Variants in LOXL3 observed in about 807,000 individuals in gnomAD.
The protein encoded by LOXL3 is lysyl oxidase like 3, also known as lysyl oxidase homolog 3.
A neutral mutation model predicts 91.8 loss-of-function variants in LOXL3; 60 were observed. The ratio of observed to expected loss-of-function variants is 0.65; its 90% CI spans 0.53 to 0.81. The LOEUF is 0.81. Among genes scored for constraint, LOXL3 ranks in the 30% least tolerant of loss-of-function variants. The pLI is 0.00. For synonymous variants in LOXL3, 355 were observed against 387.6 expected (o/e 0.92, Z 0.99); for missense variants, 874 against 1,000.4 (o/e 0.87, Z 1.70).
rs752333896 is a variant in LOXL3, at chr2:74,534,524, C to G, written c.1823+7G>C. 3 of 1,614,152 alleles carry G rather than the reference C, an allele frequency of 1.9e-6. No homozygotes were observed. The highest frequency in any genetic ancestry group is 2.5e-6 in the Non-Finnish European group (3 of 1,179,984). The stretch of plus-strand genomic sequence containing the variant: ...TTGCCCTTCTACTTGACTCCCTACC[C>G]TCTCACCCATGGCACTCGTGCCACA... On this transcript the variant is annotated splice_region_variant and intron_variant, in intron 10 of 13. Coordinates refer to ENST00000264094, the MANE Select transcript of LOXL3 (RefSeq NM_032603.5).
intron 2 of LOXL3, among the ~76,000 whole-genome samples, chr2:74,550,913 T>A (rs1667300388): frequency 1.3e-5 from 2 of 151,936 alleles, no homozygotes; most frequent in Non-Finnish European, 1.5e-5. Flanking sequence ...AGCCCCTTGT[T>A]CTTCTCTCTG....
intron 1 of LOXL3, among the ~76,000 whole-genome samples, chr2:74,553,416 C>A (rs976395711): frequency 1.3e-5 from 2 of 152,188 alleles, no homozygotes; most frequent in African/African-American, 4.8e-5. Flanking sequence ...CAAGGCTGGG[C>A]GGGGGATGGG....
upstream of LOXL3, chr2:74,555,405 G>C (rs748723675): frequency 2.0e-5 from 33 of 1,611,130 alleles, 1 homozygote; most frequent in South Asian, 3.4e-4. This position sits in a 1 kb window ranked among gnomAD's most constrained non-coding sequence, Gnocchi z 6.1. Flanking sequence ...CGGCCGACGC[G>C]CCGTCCAGTG....
At chr2:74,537,049 CTCT>C (rs1179363190) in intron 4 of LOXL3, 121 bp from the exon 5 acceptor site, 9 of 749,392 alleles carry the variant, frequency 1.2e-5, no homozygotes, top group Non-Finnish European at 1.6e-5. Context: ...CATTTATCTC[CTCT>C]TCTTCCCCCT....
At chr2:74,550,082 T>G in intron 3 of LOXL3, 103 bp downstream of exon 3, 1 of 1,485,750 alleles carries the variant, frequency 6.7e-7, no homozygotes, top group Non-Finnish European at 8.9e-7. Flanking sequence ...CCAATCCAAA[T>G]GATCCCCCAG....
In LOXL3 at chr2:74,535,738, G is replaced by GC. The variant is rs751234779; in HGVS notation, c.1265dup (p.Arg423ProfsTer5). ...CGACTCGCCCCTCATGTTGGCTGCGGCCCCCACTGAGTCGGATCTGTAGTG... is the reference window on the plus strand; with the variant it reads ...CGACTCGCCCCTCATGTTGGCTGCGGCCCCCCACTGAGTCGGATCTGTAGTG... On this transcript the variant is annotated frameshift_variant, in exon 8 of 14. Transcript: ENST00000264094. LOFTEE classifies it high-confidence loss of function. The surrounding 1 kb of genome is among the most constrained non-coding windows in gnomAD (Gnocchi z 4.2). The GC allele has an allele frequency of 6.3e-7, 1 of 1,579,934 alleles. No homozygotes were observed. Among genetic ancestry groups the GC allele is most frequent in the African/African-American group, 1.4e-5 (1 of 73,084 alleles).
At position 74,536,606 on chromosome 2, in the gene LOXL3, C is replaced by T; in HGVS notation, c.912+103G>A. ...GGTCTGTGGCCCACCCCCTGGAAGG[C>T]TCCTCTCTGTCCTCAAAGGTCAGGG... On this transcript the variant is annotated intron_variant, in intron 5 of 13. Coordinates refer to ENST00000264094, the MANE Select transcript of LOXL3 (RefSeq NM_032603.5). This position sits in a 1 kb window ranked among gnomAD's most constrained non-coding sequence, Gnocchi z 4.5. 4 of 1,467,402 alleles carry T rather than the reference C, an allele frequency of 2.7e-6. No individual in the cohort carries two copies. The highest frequency in any genetic ancestry group is 3.7e-6 in the Non-Finnish European group (4 of 1,067,334). 90.9% of individuals were successfully genotyped at this position (1,467,402 alleles called of 1,614,324 possible).
chr2:74,533,860 G>T (rs757383795), intron 13 of LOXL3, 22 bp downstream of exon 13: 1 of 1,579,178 alleles, frequency 6.3e-7, no homozygotes, highest in Admixed American at 1.7e-5. Context: ...AATCTTCCTG[G>T]GTTGCTCTTC....
In LOXL3 at chr2:74,535,225, C is replaced by G. The variant is rs112399709; in HGVS notation, c.1579+67G>C. 3.1e-5 allele frequency: 47 copies of G among 1,535,890 alleles called. 1 individual carries two copies. In the African/African-American group the frequency reaches 5.1e-4, roughly 17 times the overall value. On this transcript the variant is annotated intron_variant, in intron 9 of 13. Coordinates refer to ENST00000264094, the MANE Select transcript of LOXL3 (RefSeq NM_032603.5). The surrounding 1 kb of genome is among the most constrained non-coding windows in gnomAD (Gnocchi z 4.2). ...AAGTGCCCCTCCAGATTACAGCCCC[C>G]TTTCCCTGCAAACGGGTGGCCCAGA...
At chr2:74,540,124 G>A (rs1291439933) in intron 4 of LOXL3, among the ~76,000 whole-genome samples, 1 of 152,196 alleles carries the variant, frequency 6.6e-6, no homozygotes, top group Non-Finnish European at 1.5e-5. Flanking sequence ...TGGGATTACA[G>A]GCGTGAGCCA....
chr2:74,532,689 G>A lies in LOXL3; in HGVS notation c.*917C>T. On this transcript the variant is annotated 3_prime_UTR_variant, in exon 14 of 14. Transcript: ENST00000264094. ...TCAGCATGGTGTACTCATCCATAAA[G>A]TCATCCTGGGCTCCCCTGCACACCG... 1 of 1,613,904 alleles carries A rather than the reference G, an allele frequency of 6.2e-7. No homozygotes were observed. Among genetic ancestry groups the A allele is most frequent in the Non-Finnish European group, 8.5e-7 (1 of 1,180,020 alleles).
chr2:74,536,893 A>G lies in LOXL3; in HGVS notation c.728T>C (p.Leu243Pro). Residue 243 changes from leucine to proline, a missense_variant, in exon 5 of 14, where the codon CTG becomes CCG. By Grantham distance (98) the Leu-to-Pro change is moderately conservative. Transcript: ENST00000264094. The surrounding 1 kb of genome is among the most constrained non-coding windows in gnomAD (Gnocchi z 4.5). ...CGTGCCCACGCACGCCACCCCATGCAGACCAAAGGAGTGTTGCTGCCGTTG... is the reference window on the plus strand; with the variant it reads ...CGTGCCCACGCACGCCACCCCATGCGGACCAAAGGAGTGTTGCTGCCGTTG... ...LAQRQQHSFG[L>P]HGVACVGTEA... The G allele has an allele frequency of 6.2e-7, 1 of 1,614,186 alleles. No homozygotes were observed. Among genetic ancestry groups the G allele is most frequent in the Non-Finnish European group, 8.5e-7 (1 of 1,180,028 alleles).
At chr2:74,538,768 A>G (rs1357759268) in intron 4 of LOXL3, among the ~76,000 whole-genome samples, 3 of 152,220 alleles carry the variant, frequency 2.0e-5, no homozygotes, top group Non-Finnish European at 4.4e-5. Context: ...CCTTTAGGCA[A>G]ATGTAACCTC....
chr2:74,535,819 CAG>C lies in LOXL3; in HGVS notation c.1249-66_1249-65del. The C allele has an allele frequency of 6.6e-7, 1 of 1,512,462 alleles. No individual in the cohort carries two copies. The highest frequency in any genetic ancestry group is 8.8e-7 in the Non-Finnish European group (1 of 1,133,984). The allele number at this position is 1,512,462 out of a possible 1,614,324, so 93.7% of individuals were successfully genotyped here. On this transcript the variant is annotated intron_variant, in intron 7 of 13. Transcript: ENST00000264094. This position sits in a 1 kb window ranked among gnomAD's most constrained non-coding sequence, Gnocchi z 4.2. Reference sequence around the variant, plus strand: ...GGGGTGAGGTAGTGGGAGTCTCTAACAGATGTGGCTGAAGCGTGACTCAGGCA... The same window carrying C: ...GGGGTGAGGTAGTGGGAGTCTCTAACATGTGGCTGAAGCGTGACTCAGGCA...
rs980269566 is a variant in LOXL3, at chr2:74,549,262, C to G, written c.692+107G>C. Reference sequence around the variant, plus strand: ...CTCCATATTTTCCCGCGCGTCCCGACCCCCGGGTCCTCCCGTGCCCCGGAC... The same window carrying G: ...CTCCATATTTTCCCGCGCGTCCCGAGCCCCGGGTCCTCCCGTGCCCCGGAC... On this transcript the variant is annotated intron_variant, in intron 4 of 13. Coordinates refer to ENST00000264094, the MANE Select transcript of LOXL3 (RefSeq NM_032603.5). This position sits in a 1 kb window ranked among gnomAD's most constrained non-coding sequence, Gnocchi z 5.3. 22 of 1,288,388 alleles carry G rather than the reference C, an allele frequency of 1.7e-5. No individual in the cohort carries two copies. In the East Asian group the frequency reaches 5.3e-4, roughly 31 times the overall value. 79.8% of individuals were successfully genotyped at this position (1,288,388 alleles called of 1,614,324 possible). A position where few individuals can be genotyped will look rare whatever the true frequency, so the allele number is the denominator to read the frequency against.
Position 74,549,492 on chromosome 2 carries a change from T to C in LOXL3, c.569A>G (p.Glu190Gly). The C allele has an allele frequency of 6.2e-7, 1 of 1,613,554 alleles. No individual in the cohort carries two copies. The highest frequency in any genetic ancestry group is 8.5e-7 in the Non-Finnish European group (1 of 1,179,874). The part of the protein sequence containing the change: ...RPLPVTEGLV[E>G]VRLPDGWSQV... ...CGACCAGCCGTCAGGAAGCCTGACT[T>C]CCACCAGCCCCTCCGTCACGGGCAG... is the stretch of plus-strand genomic sequence containing the variant. The change falls in exon 4 of 14, where the codon GAA (glutamate) becomes GGA (glycine). Residue 190 changes from glutamate (E) to glycine (G), a missense_variant. By Grantham distance (98) the Glu-to-Gly change is moderately conservative. Coordinates refer to ENST00000264094, the MANE Select transcript of LOXL3 (RefSeq NM_032603.5). This position sits in a 1 kb window ranked among gnomAD's most constrained non-coding sequence, Gnocchi z 5.3.
Position 74,533,256 on chromosome 2 carries a change from A to C in LOXL3, c.*350T>G. 1 of 542,558 alleles carries C rather than the reference A, an allele frequency of 1.8e-6. No individual in the cohort carries two copies. The highest frequency in any genetic ancestry group is 3.2e-5 in the East Asian group (1 of 30,856). 33.6% of individuals were successfully genotyped at this position (542,558 alleles called of 1,614,324 possible). On this transcript the variant is annotated 3_prime_UTR_variant, in exon 14 of 14. Coordinates refer to ENST00000264094, the MANE Select transcript of LOXL3 (RefSeq NM_032603.5). Reference sequence around the variant, plus strand: ...CTAGAGGTAAAGCTGTATCCCCCTAAACTTAGGGGAGATACTGGAGCTGAC... The same window carrying C: ...CTAGAGGTAAAGCTGTATCCCCCTACACTTAGGGGAGATACTGGAGCTGAC...
Position 74,549,251 on chromosome 2 carries a change from G to T in LOXL3, c.692+118C>A. 3 of 1,189,166 alleles carry T rather than the reference G, an allele frequency of 2.5e-6. No individual in the cohort carries two copies. The highest frequency in any genetic ancestry group is 2.3e-6 in the Non-Finnish European group (2 of 886,438). The allele number at this position is 1,189,166 out of a possible 1,614,324, so 73.7% of individuals were successfully genotyped here. On this transcript the variant is annotated intron_variant, in intron 4 of 13. Coordinates refer to ENST00000264094, the MANE Select transcript of LOXL3 (RefSeq NM_032603.5). The surrounding 1 kb of genome is among the most constrained non-coding windows in gnomAD (Gnocchi z 5.3). ...TTTGCAACGGCCTCCATATTTTCCC[G>T]CGCGTCCCGACCCCCGGGTCCTCCC...
In LOXL3 at chr2:74,550,297, G is replaced by C; in HGVS notation, c.365C>G (p.Thr122Ser). ...CCCCCAGCCCCGGGAGGCACATTCA[G>C]TCACACTCTGCTCGGTCCCACTGCA... ...LSCSGTEQSVTECASRGWGNS... is the reference protein window; with the variant it reads ...LSCSGTEQSVSECASRGWGNS... The change falls in exon 3 of 14, where the codon ACT becomes AGT. Residue 122 changes from threonine to serine, a missense_variant. By Grantham distance (58) the Thr-to-Ser change is moderately conservative (BLOSUM62 1). Transcript: ENST00000264094. 1 of 1,614,104 alleles carries C rather than the reference G, an allele frequency of 6.2e-7. No individual in the cohort carries two copies. Among genetic ancestry groups the C allele is most frequent in the Non-Finnish European group, 8.5e-7 (1 of 1,179,972 alleles).
Sources: allele counts gnomAD v4.1 joint callset (sites outside exome capture counted in the v4.1 genomes callset), GRCh38; gene constraint gnomAD v4.1.1; non-coding constraint Gnocchi (gnomAD v3.1); transcripts MANE v1.5; gene names NCBI Gene and HGNC (gene_info 2026-07-23, HGNC 2026-07-21).